ANKRD30BL: variants seen among roughly 807,000 people sequenced by gnomAD.
The protein encoded by ANKRD30BL is ankyrin repeat domain 30B like, also known as putative ankyrin repeat domain-containing protein 30B-like.
Under a neutral mutation model 18.4 loss-of-function variants are expected in ANKRD30BL, and 20 were observed. The observed-to-expected ratio is 1.09, with a 90% CI of 0.77 to 1.58. The LOEUF (loss-of-function observed/expected upper bound fraction) is 1.58, where lower values mean the gene tolerates loss of function less well. Ranked by LOEUF, ANKRD30BL falls within the 40% of genes most tolerant of loss-of-function variation. ANKRD30BL has a pLI of 0.00. For synonymous variants in ANKRD30BL, 72 were observed against 100.9 expected (o/e 0.71, Z 1.72); for missense variants, 224 against 268.6 (o/e 0.83, Z 1.16).
intron 1 of ANKRD30BL, among the ~76,000 whole-genome samples, chr2:132,174,624 G>A (rs1016860554): frequency 6.6e-5 from 10 of 152,172 alleles, no homozygotes; most frequent in Non-Finnish European, 2.9e-5. Context: ...TAAAGTAAGG[G>A]CTACAAGAGG....
At chr2:132,243,804 G>A (rs1428710642) in intron 1 of ANKRD30BL, among the ~76,000 whole-genome samples, 1 of 152,180 alleles carries the variant, frequency 6.6e-6, no homozygotes, top group East Asian at 1.9e-4. Context: ...TCACAGAGTT[G>A]AACATTCCTT....
chr2:132,223,737 A>G (rs1328188534), intron 1 of ANKRD30BL, among the ~76,000 whole-genome samples: 5 of 152,072 alleles, frequency 3.3e-5, no homozygotes, highest in Non-Finnish European at 5.9e-5. Context: ...CTTTTTGCAG[A>G]ATCTGCAAGT....
rs558159641 is a variant in ANKRD30BL, at chr2:132,236,889, T to C, written n.441+20640A>G. ...TGGAACCAACCCAAATGTCCAACAA[T>C]GATAGACTGGATTAAGAAAATGTGG... On this transcript the variant is annotated intron_variant and non_coding_transcript_variant, in intron 1 of 4. Transcript: ENST00000470729. Among the ~76,000 whole-genome samples, 8 of 151,686 alleles carry C rather than the reference T, an allele frequency of 5.3e-5. No homozygotes were observed. In the South Asian group the frequency reaches 1.3e-3, roughly 24 times the overall value.
Position 132,161,484 on chromosome 2 carries a change from G to A in ANKRD30BL, c.218+4C>T. ...GCAGCCCCGGCTCAGGCAGGGCCTG[G>A]TACCTCTTCTTCGCATCTCTTATGT... On this transcript the variant is annotated splice_donor_region_variant and intron_variant, in intron 1 of 5. Transcript: ENST00000409867. The A allele has an allele frequency of 2.1e-6, 3 of 1,454,664 alleles. No homozygotes were observed. Among genetic ancestry groups the A allele is most frequent in the Non-Finnish European group, 2.8e-6 (3 of 1,061,616 alleles). The allele number at this position is 1,454,664 out of a possible 1,614,324, so 90.1% of individuals were successfully genotyped here.
At chr2:132,168,710 C>T (rs1688227469) in intron 1 of ANKRD30BL, among the ~76,000 whole-genome samples, 1 of 152,032 alleles carries the variant, frequency 6.6e-6, no homozygotes, top group African/African-American at 2.4e-5. Flanking sequence ...CAGGGTAGGT[C>T]TTACGTATTT....
At chr2:132,190,973 A>T (rs1384467943) in intron 1 of ANKRD30BL, among the ~76,000 whole-genome samples, 4 of 152,128 alleles carry the variant, frequency 2.6e-5, no homozygotes, top group African/African-American at 9.7e-5. Flanking sequence ...AAGTCAACTT[A>T]ACTGAGGTTT....
chr2:132,178,918 T>G (rs375944287), intron 1 of ANKRD30BL, among the ~76,000 whole-genome samples: 2 of 151,586 alleles, frequency 1.3e-5, no homozygotes, highest in African/African-American at 2.4e-5. Context: ...TCTGAGGTTT[T>G]AAGCCTGGGT....
At chr2:132,213,944 A>T (rs1679423041) in intron 1 of ANKRD30BL, among the ~76,000 whole-genome samples, 1 of 151,954 alleles carries the variant, frequency 6.6e-6, no homozygotes. Flanking sequence ...CTGTAAATGG[A>T]CATTTGGAGT....
upstream of ANKRD30BL, among the ~76,000 whole-genome samples, chr2:132,166,274 T>C (rs201879988): frequency 1.3e-5 from 2 of 152,188 alleles, no homozygotes; most frequent in African/African-American, 4.8e-5. Flanking sequence ...TTATGTCTAT[T>C]GGATTTGGTA....
At chr2:132,248,842 C>T (rs1261790428) in intron 1 of ANKRD30BL, among the ~76,000 whole-genome samples, 2 of 151,942 alleles carry the variant, frequency 1.3e-5, no homozygotes, top group Non-Finnish European at 2.9e-5. Flanking sequence ...GCCAATTCTA[C>T]AAAAATACTG....
At chr2:132,179,202 C>T (rs1045139473) in intron 1 of ANKRD30BL, among the ~76,000 whole-genome samples, 1 of 151,986 alleles carries the variant, frequency 6.6e-6, no homozygotes, top group Admixed American at 6.6e-5. Flanking sequence ...GCCTCTAGCA[C>T]ATATAATTAC....
intron 1 of ANKRD30BL, among the ~76,000 whole-genome samples, chr2:132,229,979 ACAG>A (rs1231017620): frequency 6.6e-6 from 1 of 151,774 alleles, no homozygotes; most frequent in African/African-American, 2.4e-5. Context: ...TAAAAACTAG[ACAG>A]AAGAATTCTC....
At chr2:132,178,288 A>G (rs1265016408) in intron 1 of ANKRD30BL, among the ~76,000 whole-genome samples, 2 of 152,262 alleles carry the variant, frequency 1.3e-5, no homozygotes, top group Non-Finnish European at 2.9e-5. Flanking sequence ...TATGACATAT[A>G]CAATAAAGTC....
intron 1 of ANKRD30BL, among the ~76,000 whole-genome samples, chr2:132,226,491 A>G (rs144131028): frequency 1.1e-4 from 16 of 147,514 alleles, no homozygotes; most frequent in African/African-American, 2.5e-4. Flanking sequence ...CATTAGGAGC[A>G]CTTTGCGACC....
At chr2:132,176,983 C>G (rs542745270) in intron 1 of ANKRD30BL, among the ~76,000 whole-genome samples, 1 of 151,998 alleles carries the variant, frequency 6.6e-6, no homozygotes, top group African/African-American at 2.4e-5. Context: ...TTACCTTAAC[C>G]AAAACTAAAT....
intron 1 of ANKRD30BL, among the ~76,000 whole-genome samples, chr2:132,186,944 T>C (rs899059763): frequency 3.3e-5 from 5 of 152,076 alleles, no homozygotes; most frequent in African/African-American, 7.2e-5. Flanking sequence ...AACATTTTTC[T>C]TCTTTTTATA....
chr2:132,201,243 T>C (rs1679091345), intron 1 of ANKRD30BL, among the ~76,000 whole-genome samples: 1 of 152,152 alleles, frequency 6.6e-6, no homozygotes, highest in African/African-American at 2.4e-5. Flanking sequence ...GGGCAAGGAC[T>C]TCATGTCTAA....
chr2:132,220,520 C>G (rs573810215), intron 1 of ANKRD30BL, among the ~76,000 whole-genome samples: 1 of 152,086 alleles, frequency 6.6e-6, no homozygotes, highest in Non-Finnish European at 1.5e-5. Flanking sequence ...CGCGTCGCCA[C>G]GCCTGACTGG....
At chr2:132,192,354 G>A (rs1336452285) in intron 1 of ANKRD30BL, among the ~76,000 whole-genome samples, 7 of 149,206 alleles carry the variant, frequency 4.7e-5, no homozygotes, top group South Asian at 4.4e-4. Context: ...AATGGTGGTC[G>A]CAGTGTGGCA....
Sources: allele counts gnomAD v4.1 joint callset (sites outside exome capture counted in the v4.1 genomes callset), GRCh38; gene constraint gnomAD v4.1.1; transcripts MANE v1.5; gene names NCBI Gene and HGNC (gene_info 2026-07-23, HGNC 2026-07-21).